GPR149: variants seen among roughly 807,000 people sequenced by gnomAD.
GPR149 encodes the protein probable G protein-coupled receptor 149.
A neutral mutation model predicts 50.2 loss-of-function variants in GPR149; 50 were observed. That is an observed-to-expected ratio of 1.00 (90% CI 0.79 to 1.26). GPR149 has a LOEUF of 1.26. Among genes scored for constraint, GPR149 ranks in the 50% most tolerant of loss-of-function variants. The probability of loss-of-function intolerance (pLI) is 0.00; values close to 1 mark genes in which losing one functional copy is unlikely to be tolerated. For missense variants in GPR149, 983 were observed against 895.4 expected (o/e 1.10, Z -1.25); for synonymous variants, 405 against 358.2 (o/e 1.13, Z -1.48).
intron 3 of GPR149, among the ~76,000 whole-genome samples, chr3:154,368,796 G>T (rs954366155): frequency 1.3e-5 from 2 of 152,180 alleles, no homozygotes; most frequent in African/African-American, 4.8e-5. Flanking sequence ...GCCTCCTGTT[G>T]CTAATTCAGA....
At position 154,421,285 on chromosome 3, in the gene GPR149, C is replaced by A; in HGVS notation, c.1377G>T (p.Thr459=). The change falls in exon 3 of 4, where the codon ACG becomes ACT. Residue 459 remains threonine, a synonymous_variant. Coordinates refer to ENST00000389740, the MANE Select transcript of GPR149 (RefSeq NM_001038705.3). ...FNAIKVEIST[T]PSLDSSTQRG... is the part of the protein sequence containing the mutation. ...TTTGTGTGGAGCTGTCCAGAGAGGG[C>A]GTGGTGCTGATTTCTACTTTTATAG... 6.2e-7 allele frequency: 1 copy of A among 1,613,238 alleles called. No individual in the cohort carries two copies. The highest frequency in any genetic ancestry group is 8.5e-7 in the Non-Finnish European group (1 of 1,179,468).
intron 3 of GPR149, among the ~76,000 whole-genome samples, chr3:154,357,860 T>A (rs1714277816): frequency 6.6e-6 from 1 of 152,150 alleles, no homozygotes; most frequent in Non-Finnish European, 1.5e-5. Context: ...TTGCGGCACT[T>A]TTCACAATAG....
chr3:154,369,527 C>T (rs1384784727), intron 3 of GPR149, among the ~76,000 whole-genome samples: 9 of 152,164 alleles, frequency 5.9e-5, no homozygotes, highest in Non-Finnish European at 1.0e-4. Flanking sequence ...CCCCAACTGA[C>T]TCTCCTCCAT....
At chr3:154,414,133 GA>G (rs1711919082) in intron 3 of GPR149, among the ~76,000 whole-genome samples, 1 of 151,894 alleles carries the variant, frequency 6.6e-6, no homozygotes, top group African/African-American at 2.4e-5. Flanking sequence ...GTGTAAGAAT[GA>G]TACATTGGAC....
At chr3:154,422,818 G>A (rs563945137) in intron 2 of GPR149, among the ~76,000 whole-genome samples, 2 of 151,890 alleles carry the variant, frequency 1.3e-5, no homozygotes, top group African/African-American at 4.8e-5. Context: ...ACATAGTCAA[G>A]TAAAATTAAG....
At chr3:154,407,230 A>G (rs1315002943) in intron 3 of GPR149, among the ~76,000 whole-genome samples, 1 of 152,170 alleles carries the variant, frequency 6.6e-6, no homozygotes, top group African/African-American at 2.4e-5. Flanking sequence ...TGAAAACCTG[A>G]TCATGCTTCA....
At chr3:154,346,399 G>C (rs752019094) in intron 3 of GPR149, among the ~76,000 whole-genome samples, 1 of 152,038 alleles carries the variant, frequency 6.6e-6, no homozygotes, top group Non-Finnish European at 1.5e-5. Context: ...GTGTCATTCT[G>C]TCATTTTCAT....
chr3:154,426,441 T>A (rs1162044059), intron 2 of GPR149, among the ~76,000 whole-genome samples: 1 of 152,200 alleles, frequency 6.6e-6, no homozygotes, highest in East Asian at 1.9e-4. Flanking sequence ...TAGCCTGAGA[T>A]GGACTGTTTA....
Position 154,428,951 on chromosome 3 carries a change from G to T in GPR149, c.665C>A (p.Pro222Gln), listed in dbSNP as rs1459035225. The T allele has an allele frequency of 3.1e-6, 5 of 1,613,798 alleles. No individual in the cohort carries two copies. Among genetic ancestry groups the T allele is most frequent in the African/African-American group, 1.3e-5 (1 of 74,842 alleles). The change falls in exon 1 of 4, where the codon CCG becomes CAG. Residue 222 changes from proline to glutamine, a missense_variant. By Grantham distance (76) the Pro-to-Gln change is moderately conservative. Transcript: ENST00000389740. ...LTHRLLCSEE[P>Q]PRLHSNYQEI... Reference sequence around the variant, plus strand: ...CTGGTAGTTGGAGTGGAGTCTCGGCGGCTCCTCCGAACACAGCAATCGGTG... The same window carrying T: ...CTGGTAGTTGGAGTGGAGTCTCGGCTGCTCCTCCGAACACAGCAATCGGTG...
intron 3 of GPR149, among the ~76,000 whole-genome samples, chr3:154,400,806 C>A (rs1214530236): frequency 6.6e-6 from 1 of 152,230 alleles, no homozygotes; most frequent in Non-Finnish European, 1.5e-5. Flanking sequence ...CTGCCTGTTT[C>A]CAAAGCCCGT....
chr3:154,406,456 A>G (rs751952549), intron 3 of GPR149, among the ~76,000 whole-genome samples: 43 of 152,210 alleles, frequency 2.8e-4, no homozygotes, highest in Admixed American at 2.1e-3. Flanking sequence ...AAATACATAC[A>G]TACAAGGTTA....
At chr3:154,357,623 TAA>T (rs1382732755) in intron 3 of GPR149, among the ~76,000 whole-genome samples, 1 of 152,112 alleles carries the variant, frequency 6.6e-6, no homozygotes, top group East Asian at 1.9e-4. Context: ...TGGCGATCAT[TAA>T]AAAGTCAGGA....
At chr3:154,374,158 T>C (rs201820591) in intron 3 of GPR149, among the ~76,000 whole-genome samples, 1 of 22,366 alleles carries the variant, frequency 4.5e-5, no homozygotes, top group Non-Finnish European at 7.7e-5. Flanking sequence ...TTCTTTCTTT[T>C]CTTTTCTTTT....
Position 154,337,878 on chromosome 3 carries a change from A to G in GPR149, c.2017T>C (p.Ser673Pro). ...GGATTACTGGTGGGCAAAAAGAGGG[A>G]GTATGAGGCTGTTTCCCCTAGGTCA... ...SCDLGETASYSLFLPTSNPDG... is the reference protein window; with the variant it reads ...SCDLGETASYPLFLPTSNPDG... The change falls in exon 4 of 4, where the codon TCC (serine) becomes CCC (proline). Residue 673 changes from serine to proline, a missense_variant. Ser to Pro is a moderately conservative substitution (Grantham distance 74). Coordinates refer to ENST00000389740, the MANE Select transcript of GPR149 (RefSeq NM_001038705.3). The G allele has an allele frequency of 1.9e-6, 3 of 1,613,424 alleles. No individual in the cohort carries two copies. The highest frequency in any genetic ancestry group is 2.5e-6 in the Non-Finnish European group (3 of 1,179,776).
chr3:154,350,764 G>C (rs1576900338), intron 3 of GPR149, among the ~76,000 whole-genome samples: 2 of 152,198 alleles, frequency 1.3e-5, no homozygotes, highest in East Asian at 3.9e-4. Flanking sequence ...GTTGATCTTT[G>C]GTATCTGTGG....
intron 3 of GPR149, among the ~76,000 whole-genome samples, chr3:154,360,187 C>T (rs115390014): frequency 2.3e-3 from 348 of 152,316 alleles, no homozygotes; most frequent in African/African-American, 7.9e-3. Flanking sequence ...GGGCTGCAAG[C>T]AGTTTCAGGG....
At chr3:154,341,665 T>C (rs890306186) in intron 3 of GPR149, among the ~76,000 whole-genome samples, 20 of 152,244 alleles carry the variant, frequency 1.3e-4, no homozygotes, top group African/African-American at 4.1e-4. Context: ...TTTCTTTTAA[T>C]TTATTGATTT....
intron 2 of GPR149, among the ~76,000 whole-genome samples, chr3:154,424,502 C>A (rs6785390): frequency 0.019 from 2,946 of 151,690 alleles, 102 homozygotes; most frequent in African/African-American, 0.068. Context: ...TGCTACAGTT[C>A]CTGACTCCTA....
intron 3 of GPR149, among the ~76,000 whole-genome samples, chr3:154,342,201 A>G (rs980612064): frequency 6.6e-6 from 1 of 152,204 alleles, no homozygotes; most frequent in African/African-American, 2.4e-5. Flanking sequence ...AATATATACT[A>G]TAAACAAAAG....
Sources: gnomAD v4.1 joint callset for allele counts (sites outside exome capture counted in the v4.1 genomes callset) on GRCh38, gnomAD v4.1.1 for gene constraint, MANE v1.5 for transcripts, NCBI Gene and HGNC (gene_info 2026-07-23, HGNC 2026-07-21) for gene names.